OPRPN: variants seen among roughly 807,000 people sequenced by gnomAD.
The protein encoded by OPRPN is opiorphin prepropeptide.
OPRPN carries 1 observed loss-of-function variant against 2.2 expected under a neutral mutation model. The observed-to-expected ratio is 0.45, with a 90% confidence interval of 0.16 to 2.15. The LOEUF (loss-of-function observed/expected upper bound fraction) is 2.15. Ranked by LOEUF, OPRPN falls within the 30% of genes most tolerant of loss-of-function variation. OPRPN has a pLI of 0.28. For synonymous variants in OPRPN, 126 were observed against 111.5 expected, an observed-to-expected ratio of 1.13 and a Z score of -0.82; for missense variants, 306 against 297.3, an observed-to-expected ratio of 1.03 and a Z score of -0.21.
At chr4:70,403,622 T>A (rs1448942195) in intron 2 of OPRPN, among the ~76,000 whole-genome samples, 3 of 152,212 alleles carry the variant, frequency 2.0e-5, no homozygotes, top group Non-Finnish European at 4.4e-5. Context: ...TTTTAATTAT[T>A]TTTTCTAAAG....
At chr4:70,403,341 A>G (rs1455302393) in intron 2 of OPRPN, among the ~76,000 whole-genome samples, 1 of 152,214 alleles carries the variant, frequency 6.6e-6, no homozygotes, top group Non-Finnish European at 1.5e-5. Context: ...AAGCAGCTAC[A>G]ATAAACGAAT....
At chr4:70,401,263 A>G (rs78020905) in intron 2 of OPRPN, among the ~76,000 whole-genome samples, 9 of 152,198 alleles carry the variant, frequency 5.9e-5, no homozygotes, top group Non-Finnish European at 1.0e-4. Flanking sequence ...ATATTATTGG[A>G]TATAAGAAAA....
Position 70,409,366 on chromosome 4 carries a change from T to A in OPRPN, c.52-14T>A. The A allele has an allele frequency of 6.4e-7, 1 of 1,562,090 alleles. No individual in the cohort carries two copies. The highest frequency in any genetic ancestry group is 1.2e-5 in the South Asian group (1 of 83,106). On this transcript the variant is annotated splice_polypyrimidine_tract_variant and intron_variant, in intron 2 of 2. Coordinates refer to ENST00000399575, the MANE Select transcript of OPRPN (RefSeq NM_021225.5). ...TAGAAATTTTGTTTTTTACCTTTGT[T>A]TTTATCTCCACAGCCCAGTGAGAGT...
intron 2 of OPRPN, among the ~76,000 whole-genome samples, chr4:70,399,770 G>T (rs1577881435): frequency 6.6e-6 from 1 of 151,932 alleles, no homozygotes; most frequent in South Asian, 2.1e-4. Flanking sequence ...TGCAAGGATT[G>T]CTGATTGTAC....
intron 2 of OPRPN, among the ~76,000 whole-genome samples, chr4:70,409,008 C>T (rs981855918): frequency 1.3e-5 from 2 of 152,264 alleles, no homozygotes; most frequent in African/African-American, 4.8e-5. Flanking sequence ...AGAATTTTCC[C>T]AGATAGTCAA....
chr4:70,400,653 T>C (rs1732957534), intron 2 of OPRPN, among the ~76,000 whole-genome samples: 1 of 151,980 alleles, frequency 6.6e-6, no homozygotes, highest in African/African-American at 2.4e-5. Context: ...TGAAATTTAC[T>C]TCTCAAGCTA....
intron 2 of OPRPN, among the ~76,000 whole-genome samples, chr4:70,403,950 G>A (rs1733036422): frequency 6.6e-6 from 1 of 151,802 alleles, no homozygotes; most frequent in Admixed American, 6.6e-5. Context: ...TCTCTCTATT[G>A]ATTGTTCCTA....
intron 2 of OPRPN, among the ~76,000 whole-genome samples, chr4:70,405,050 T>C (rs908749938): frequency 6.6e-6 from 1 of 152,188 alleles, no homozygotes; most frequent in Non-Finnish European, 1.5e-5. Flanking sequence ...AAGTATGCTG[T>C]TTAATCTCTC....
chr4:70,405,929 A>G (rs111709941), intron 2 of OPRPN, among the ~76,000 whole-genome samples: 12 of 151,852 alleles, frequency 7.9e-5, no homozygotes, highest in Non-Finnish European at 4.4e-5. Context: ...ATAGCCAGGT[A>G]TGGTGGTGCA....
At chr4:70,402,234 C>T (rs1401379247) in intron 2 of OPRPN, among the ~76,000 whole-genome samples, 2 of 152,056 alleles carry the variant, frequency 1.3e-5, no homozygotes, top group East Asian at 1.9e-4. Flanking sequence ...GCCTGAGCCC[C>T]ATAAGTCTAC....
At chr4:70,405,221 G>T (rs369337639) in intron 2 of OPRPN, among the ~76,000 whole-genome samples, 9 of 152,144 alleles carry the variant, frequency 5.9e-5, no homozygotes, top group East Asian at 3.9e-4. Context: ...TTCATCATTT[G>T]TCTAGGGTTA....
At chr4:70,409,289 G>T (rs189124982) in intron 2 of OPRPN, 91 bp from the exon 3 acceptor site, 2 of 967,568 alleles carry the variant, frequency 2.1e-6, no homozygotes, top group South Asian at 1.7e-5. Flanking sequence ...TTACATAGTA[G>T]ATATATTAAT....
At chr4:70,408,749 A>T (rs1183515889) in intron 2 of OPRPN, among the ~76,000 whole-genome samples, 1 of 152,206 alleles carries the variant, frequency 6.6e-6, no homozygotes, top group Non-Finnish European at 1.5e-5. Context: ...GACTGGCTCT[A>T]GGAGGCTCTA....
chr4:70,409,855 G>T lies in OPRPN; in HGVS notation c.527G>T (p.Ser176Ile). Residue 176 changes from serine (S) to isoleucine (I), a missense_variant, in exon 3 of 3, where the codon AGC (serine) becomes ATC (isoleucine). Physicochemically the swap from Ser to Ile is moderately radical, Grantham distance 142. Transcript: ENST00000399575. ...TCCACAAAACCCACAATGACGATCA[G>T]CTCCTCAACAGTACCTATCTCTTCA... is the stretch of plus-strand genomic sequence containing the variant. ...STSTKPTMTI[S>I]SSTVPISSTP... The T allele has an allele frequency of 6.2e-7, 1 of 1,612,746 alleles. No individual in the cohort carries two copies. The highest frequency in any genetic ancestry group is 8.5e-7 in the Non-Finnish European group (1 of 1,179,492).
chr4:70,403,535 C>A (rs1203554488), intron 2 of OPRPN, among the ~76,000 whole-genome samples: 2 of 152,104 alleles, frequency 1.3e-5, no homozygotes, highest in East Asian at 3.9e-4. Flanking sequence ...CATGAGTTTG[C>A]AAAAAATATT....
intron 2 of OPRPN, 114 bp from the exon 3 acceptor site, chr4:70,409,266 T>A: frequency 1.3e-6 from 1 of 779,864 alleles, no homozygotes; most frequent in Non-Finnish European, 2.0e-6. Flanking sequence ...TATGGCTTAG[T>A]ATATCCTAAT....
chr4:70,399,574 T>A (rs975994009), intron 2 of OPRPN: 21 of 384,556 alleles, frequency 5.5e-5, no homozygotes, highest in Middle Eastern at 1.5e-3. Flanking sequence ...GCAGGTAGTA[T>A]CTAGGAGAGC....
At chr4:70,402,605 T>C (rs1198244383) in intron 2 of OPRPN, among the ~76,000 whole-genome samples, 1 of 152,028 alleles carries the variant, frequency 6.6e-6, no homozygotes, top group Non-Finnish European at 1.5e-5. Context: ...GGAGCTTATA[T>C]TCTACTTGGG....
In OPRPN at chr4:70,409,925, A is replaced by G. The variant is rs754203924; in HGVS notation, c.597A>G (p.Ala199=). 4 of 1,613,934 alleles carry G rather than the reference A, an allele frequency of 2.5e-6. No individual in the cohort carries two copies. The highest frequency in any genetic ancestry group is 3.4e-6 in the Non-Finnish European group (4 of 1,179,974). ...ATSISAATPA[A]STENTTQILA... ...CCATATCAGCAGCAACCCCCGCAGC[A>G]TCTACTGAAAATACTACTCAAATTC... The change falls in exon 3 of 3, where the codon GCA becomes GCG. Residue 199 remains alanine, a synonymous_variant. Coordinates refer to ENST00000399575, the MANE Select transcript of OPRPN (RefSeq NM_021225.5).
Sources: allele counts gnomAD v4.1 joint callset (sites outside exome capture counted in the v4.1 genomes callset), GRCh38; gene constraint gnomAD v4.1.1; transcripts MANE v1.5; gene names NCBI Gene and HGNC (gene_info 2026-07-23, HGNC 2026-07-21).